The following ROBO2 variants were observed in gnomAD, a reference collection of about 807,000 sequenced individuals.
ROBO2 encodes roundabout guidance receptor 2, also known as roundabout homolog 2.
In ROBO2, 53 loss-of-function variants were observed where a neutral mutation model predicts 160.8. The ratio of observed to expected loss-of-function variants is 0.33; its 90% CI spans 0.26 to 0.41. The LOEUF (loss-of-function observed/expected upper bound fraction) is 0.41, where lower values mean the gene tolerates loss of function less well. Ranked by LOEUF, ROBO2 falls within the 10% of genes least tolerant of loss-of-function variation. ROBO2 has a pLI of 1.00. For missense variants in ROBO2, 1,577 were observed against 1,722.4 expected (o/e 0.92, Z 1.49); for synonymous variants, 664 against 611.7 (o/e 1.09, Z -1.26).
intron 2 of ROBO2, among the ~76,000 whole-genome samples, chr3:76,542,552 GAAATTCT>G (rs951372329): frequency 6.6e-6 from 1 of 152,158 alleles, no homozygotes; most frequent in Non-Finnish European, 1.5e-5. Context: ...TGACTGAATA[GAAATTCT>G]AAGGAACAGT....
At chr3:76,649,974 C>T (rs2091176317) in intron 2 of ROBO2, among the ~76,000 whole-genome samples, 1 of 152,042 alleles carries the variant, frequency 6.6e-6, no homozygotes, top group South Asian at 2.1e-4. Context: ...CGTGAATATT[C>T]CTCTGAAGGA....
chr3:76,725,314 C>A (rs919585204), intron 2 of ROBO2, among the ~76,000 whole-genome samples: 3 of 151,908 alleles, frequency 2.0e-5, no homozygotes. Flanking sequence ...TAAATTATTC[C>A]TTCTTTTACA....
At chr3:76,376,256 T>C (rs571746227) in intron 2 of ROBO2, among the ~76,000 whole-genome samples, 2 of 152,222 alleles carry the variant, frequency 1.3e-5, no homozygotes, top group African/African-American at 4.8e-5. Context: ...TAGGTCTAAA[T>C]TGGTTTCCCA....
intron 2 of ROBO2, among the ~76,000 whole-genome samples, chr3:77,406,908 A>G (rs1178839046): frequency 1.3e-5 from 2 of 152,190 alleles, no homozygotes; most frequent in African/African-American, 4.8e-5. Flanking sequence ...AACACATTGG[A>G]CCTTGCATTT....
At chr3:77,429,697 T>G (rs1163719267) in intron 2 of ROBO2, among the ~76,000 whole-genome samples, 1 of 151,712 alleles carries the variant, frequency 6.6e-6, no homozygotes, top group Non-Finnish European at 1.5e-5. Context: ...ACCTAGAAAG[T>G]TGAAAAACAC....
intron 2 of ROBO2, among the ~76,000 whole-genome samples, chr3:77,295,712 G>C (rs1032195472): frequency 2.0e-5 from 3 of 148,766 alleles, no homozygotes; most frequent in African/African-American, 5.0e-5. Context: ...GATCACTAAA[G>C]ACATAAAGTG....
chr3:76,436,088 T>C (rs1235509662), intron 2 of ROBO2, among the ~76,000 whole-genome samples: 4 of 151,274 alleles, frequency 2.6e-5, no homozygotes, highest in Non-Finnish European at 5.9e-5. Context: ...GTTAATGGAG[T>C]CTTGGACCCT....
At chr3:76,253,493 T>C (rs1472281713) in intron 2 of ROBO2, among the ~76,000 whole-genome samples, 3 of 151,296 alleles carry the variant, frequency 2.0e-5, no homozygotes, top group Non-Finnish European at 4.4e-5. Context: ...AGGCTGGTCT[T>C]GAACACCTGG....
At chr3:76,755,134 C>T (rs2060895300) in intron 2 of ROBO2, among the ~76,000 whole-genome samples, 1 of 151,688 alleles carries the variant, frequency 6.6e-6, no homozygotes, top group Non-Finnish European at 1.5e-5. Flanking sequence ...CTTTTATACT[C>T]AGATTATTGA....
intron 2 of ROBO2, among the ~76,000 whole-genome samples, chr3:77,381,648 C>T (rs1250848468): frequency 6.6e-6 from 1 of 152,128 alleles, no homozygotes; most frequent in Non-Finnish European, 1.5e-5. Context: ...TAGATAATCA[C>T]AAGTTTAGAT....
intron 2 of ROBO2, among the ~76,000 whole-genome samples, chr3:77,189,893 T>G (rs2081658293): frequency 6.6e-6 from 1 of 151,868 alleles, no homozygotes; most frequent in African/African-American, 2.4e-5. Context: ...CATAAAGAGA[T>G]TAAGGAGTTC....
intron 2 of ROBO2, among the ~76,000 whole-genome samples, chr3:76,846,108 T>G (rs1349168822): frequency 2.0e-5 from 3 of 152,168 alleles, no homozygotes; most frequent in Non-Finnish European, 4.4e-5. Context: ...ACAGTTGGCA[T>G]GCAGTACAGA....
At chr3:76,922,641 C>A (rs1053523227) in intron 2 of ROBO2, among the ~76,000 whole-genome samples, 1 of 152,192 alleles carries the variant, frequency 6.6e-6, no homozygotes, top group Non-Finnish European at 1.5e-5. Flanking sequence ...ATTTTATCGA[C>A]CCTGGGGTAC....
At chr3:76,015,909 T>C (rs2066392630) in intron 2 of ROBO2, among the ~76,000 whole-genome samples, 3 of 152,208 alleles carry the variant, frequency 2.0e-5, no homozygotes, top group Non-Finnish European at 4.4e-5. Flanking sequence ...CTATTTTCTT[T>C]GGACTCTCAG....
chr3:77,054,900 C>T (rs988886672), intron 1 of ROBO2, among the ~76,000 whole-genome samples: 8 of 149,764 alleles, frequency 5.3e-5, no homozygotes, highest in Admixed American at 1.4e-4. Context: ...GACAGAGAGG[C>T]GCCTGCAGTC....
intron 2 of ROBO2, among the ~76,000 whole-genome samples, chr3:76,943,367 C>T (rs2078320719): frequency 6.6e-6 from 1 of 152,148 alleles, no homozygotes; most frequent in Non-Finnish European, 1.5e-5. Context: ...AGAAACAAAA[C>T]TCTTCTTGTT....
At chr3:76,674,945 A>T (rs1235426603) in intron 2 of ROBO2, among the ~76,000 whole-genome samples, 1 of 152,240 alleles carries the variant, frequency 6.6e-6, no homozygotes, top group African/African-American at 2.4e-5. Flanking sequence ...ACATGAAAAA[A>T]AACAAACAAA....
chr3:76,211,771 A>G (rs1234693570), intron 2 of ROBO2, among the ~76,000 whole-genome samples: 6 of 152,048 alleles, frequency 3.9e-5, no homozygotes, highest in Non-Finnish European at 5.9e-5. Flanking sequence ...TCAATGATGG[A>G]TAAAAGATGA....
chr3:77,613,248 T>C (rs2094691769), intron 21 of ROBO2, among the ~76,000 whole-genome samples: 1 of 152,038 alleles, frequency 6.6e-6, no homozygotes, highest in African/African-American at 2.4e-5. Context: ...TTCATGTGTA[T>C]ATCCCCATTA....
Sources: gnomAD v4.1 joint callset for allele counts (sites outside exome capture counted in the v4.1 genomes callset) on GRCh38, gnomAD v4.1.1 for gene constraint, MANE v1.5 for transcripts, NCBI Gene and HGNC (gene_info 2026-07-23, HGNC 2026-07-21) for gene names.